The following BCO2 variants were observed in gnomAD, a reference collection of about 807,000 sequenced individuals.
BCO2 encodes the protein beta-carotene oxygenase 2.
In BCO2, 56 loss-of-function variants were observed where a neutral mutation model predicts 65.8. That is an observed-to-expected ratio of 0.85 (90% CI 0.69 to 1.06). BCO2 has a LOEUF of 1.06. BCO2 is among the 50% of genes least tolerant of loss of function. The probability of loss-of-function intolerance (pLI) is 0.00; values close to 1 mark genes in which losing one functional copy is unlikely to be tolerated. For synonymous variants in BCO2, 233 were observed against 242.3 expected (o/e 0.96, Z 0.36); for missense variants, 675 against 698.5 (o/e 0.97, Z 0.38).
chr11:112,210,826 T>C (rs898774391), intron 8 of BCO2, among the ~76,000 whole-genome samples: 9 of 152,004 alleles, frequency 5.9e-5, no homozygotes, highest in African/African-American at 1.9e-4. Flanking sequence ...ATTGTATCAA[T>C]GTAAATTTCC....
rs2135339251 is a variant in BCO2 at position 112,175,697 on chromosome 11, G to A, written c.88+8G>A. ...TGGTGCACCGGCTCCCAGGTAGAGGGTTTGCCCCTTTCTCTTCCTCATCCT... is the reference window on the plus strand; with the variant it reads ...TGGTGCACCGGCTCCCAGGTAGAGGATTTGCCCCTTTCTCTTCCTCATCCT... On this transcript the variant is annotated splice_region_variant and intron_variant, in intron 1 of 11. Coordinates refer to ENST00000357685, the MANE Select transcript of BCO2 (RefSeq NM_031938.7). 6.2e-7 allele frequency: 1 copy of A among 1,609,390 alleles called. No individual in the cohort carries two copies. The highest frequency in any genetic ancestry group is 2.2e-5 in the East Asian group (1 of 44,860).
chr11:112,212,561 G>A (rs1859541980), intron 8 of BCO2, among the ~76,000 whole-genome samples: 1 of 152,088 alleles, frequency 6.6e-6, no homozygotes, highest in African/African-American at 2.4e-5. Context: ...AAAAGGAAAA[G>A]GCACATGAGA....
intron 3 of BCO2, 63 bp from the exon 4 acceptor site, chr11:112,193,816 T>C: frequency 6.8e-7 from 1 of 1,462,962 alleles, no homozygotes; most frequent in South Asian, 1.1e-5. Context: ...TCCCTTTGAG[T>C]GTGTGCTTAG....
At chr11:112,201,031 G>A (rs1592854362) in intron 7 of BCO2, among the ~76,000 whole-genome samples, 1 of 152,150 alleles carries the variant, frequency 6.6e-6, no homozygotes, top group East Asian at 1.9e-4. Context: ...AACTCTCTTA[G>A]CATGGACTTT....
chr11:112,188,384 C>T (rs944322084), intron 2 of BCO2, among the ~76,000 whole-genome samples: 3 of 152,148 alleles, frequency 2.0e-5, no homozygotes, highest in Non-Finnish European at 2.9e-5. Flanking sequence ...TGCCTGGGCT[C>T]CTCGTTGGCT....
chr11:112,200,687 A>G lies in BCO2; in HGVS notation c.940A>G (p.Ile314Val). 6.2e-7 allele frequency: 1 copy of G among 1,613,974 alleles called. No homozygotes were observed. Among genetic ancestry groups the G allele is most frequent in the Non-Finnish European group, 8.5e-7 (1 of 1,179,976 alleles). ...MNLWKIATSK[I>V]RGKAFSDGIS... is the part of the protein sequence containing the mutation. ...CCTGTGGAAAATTGCCACTTCTAAA[A>G]TTCGGGGAAAGGCCTTTTCAGATGG... is the stretch of plus-strand genomic sequence containing the variant. The change falls in exon 7 of 12, where the codon ATT becomes GTT. Residue 314 changes from isoleucine to valine, a missense_variant. Ile to Val is a conservative substitution (Grantham distance 29, BLOSUM62 3). Transcript: ENST00000357685.
At chr11:112,183,875 A>T (rs1303660780) in intron 2 of BCO2, among the ~76,000 whole-genome samples, 1 of 152,220 alleles carries the variant, frequency 6.6e-6, no homozygotes. Context: ...GTCATTCCAA[A>T]GGTACAGTAG....
chr11:112,216,458 A>G lies in BCO2; in HGVS notation c.1626+128A>G, dbSNP rs577203616. 4.7e-6 allele frequency: 3 copies of G among 635,762 alleles called. No individual in the cohort carries two copies. The African/African-American group carries it at 5.4e-5, about 12-fold the overall frequency. The allele number at this position is 635,762 out of a possible 1,614,324, so 39.4% of individuals were successfully genotyped here. A position where few individuals can be genotyped will look rare whatever the true frequency, so the allele number is the denominator to read the frequency against. On this transcript the variant is annotated intron_variant, in intron 11 of 11. Coordinates refer to ENST00000357685, the MANE Select transcript of BCO2 (RefSeq NM_031938.7). ...TTTCCCTTCTCTTCCCCTCCTTACT[A>G]TTTACATACCCTTTTATCTCAATCC...
At chr11:112,197,775 C>T (rs1378055871) in intron 5 of BCO2, among the ~76,000 whole-genome samples, 1 of 152,164 alleles carries the variant, frequency 6.6e-6, no homozygotes, top group Non-Finnish European at 1.5e-5. Context: ...TTTTAACCCA[C>T]ACCCACTTCT....
Position 112,217,125 on chromosome 11 carries a change from A to C in BCO2, c.1627-636A>C, listed in dbSNP as rs190985304. Among the ~76,000 whole-genome samples the C allele has an allele frequency of 5.1e-3, 778 of 152,378 alleles. 8 individuals carry two copies. The highest frequency in any genetic ancestry group is 0.018 in the African/African-American group (737 of 41,578). On this transcript the variant is annotated intron_variant, in intron 11 of 11. Transcript: ENST00000357685. Reference sequence around the variant, plus strand: ...GAAGAAAGAGTTTCTGTCTTTTAGAAGATTGGAAAGGCACAAGCAAAAATA... The same window carrying C: ...GAAGAAAGAGTTTCTGTCTTTTAGACGATTGGAAAGGCACAAGCAAAAATA...
intron 2 of BCO2, among the ~76,000 whole-genome samples, chr11:112,185,783 C>G (rs1867183342): frequency 6.6e-6 from 1 of 152,122 alleles, no homozygotes; most frequent in Non-Finnish European, 1.5e-5. Context: ...AGATAACATA[C>G]AATTTACCAT....
chr11:112,190,880 A>C (rs942443434), intron 2 of BCO2, among the ~76,000 whole-genome samples: 2 of 149,956 alleles, frequency 1.3e-5, no homozygotes, highest in Non-Finnish European at 3.0e-5. Flanking sequence ...AAAAAAGAAA[A>C]GAAAATAGGA....
chr11:112,180,979 A>G, intron 2 of BCO2: 2 of 1,278,190 alleles, frequency 1.6e-6, no homozygotes, highest in Non-Finnish European at 2.3e-6. Flanking sequence ...AAGGAGAGCC[A>G]TTTATTGATC....
chr11:112,196,189 T>C (rs1867568394), intron 5 of BCO2, among the ~76,000 whole-genome samples: 2 of 152,180 alleles, frequency 1.3e-5, no homozygotes, highest in South Asian at 4.1e-4. Flanking sequence ...AATTGAGTAA[T>C]CCAGTTGCTG....
At chr11:112,210,318 C>G (rs1045617548) in intron 8 of BCO2, among the ~76,000 whole-genome samples, 2 of 152,048 alleles carry the variant, frequency 1.3e-5, no homozygotes, top group African/African-American at 4.8e-5. Context: ...TGGTTATTTC[C>G]TTTCATTTGC....
At chr11:112,211,188 G>C (rs1859497787) in intron 8 of BCO2, among the ~76,000 whole-genome samples, 1 of 152,082 alleles carries the variant, frequency 6.6e-6, no homozygotes. Flanking sequence ...CTTCATGTAA[G>C]TGGGGTCATA....
In BCO2 at chr11:112,218,442, C is replaced by A; in HGVS notation, c.*568C>A. The A allele has an allele frequency of 4.6e-6, 1 of 219,572 alleles. No individual in the cohort carries two copies. The highest frequency in any genetic ancestry group is 7.0e-5 in the South Asian group (1 of 14,266). The allele number at this position is 219,572 out of a possible 1,614,324, so 13.6% of individuals were successfully genotyped here. On this transcript the variant is annotated 3_prime_UTR_variant, in exon 12 of 12. Transcript: ENST00000357685. ...TAGCATGTGCAATTTGTGAAGCTGC[C>A]AAAGCGTTAGACAAGCACCAAGCCC...
At chr11:112,194,480 C>A in intron 4 of BCO2, 173 bp from the exon 5 acceptor site, 1 of 537,870 alleles carries the variant, frequency 1.9e-6, no homozygotes, top group Non-Finnish European at 3.2e-6. Context: ...TTGTTTTAAT[C>A]TTGATTTCTT....
chr11:112,185,169 A>G (rs1221777040), intron 2 of BCO2, among the ~76,000 whole-genome samples: 1 of 152,230 alleles, frequency 6.6e-6, no homozygotes, highest in African/African-American at 2.4e-5. Context: ...CTATATTTTC[A>G]GGAATTATAG....
Sources: allele counts gnomAD v4.1 joint callset (sites outside exome capture counted in the v4.1 genomes callset), GRCh38; gene constraint gnomAD v4.1.1; transcripts MANE v1.5; gene names NCBI Gene and HGNC (gene_info 2026-07-23, HGNC 2026-07-21).